Variants in HYAL4 observed in about 807,000 individuals in gnomAD.
HYAL4 encodes hyaluronidase-4.
A neutral mutation model predicts 35.2 loss-of-function variants in HYAL4; 37 were observed. That is an observed-to-expected ratio of 1.05 (90% CI 0.81 to 1.38). The LOEUF (loss-of-function observed/expected upper bound fraction) is 1.38, where lower values mean the gene tolerates loss of function less well. Among genes scored for constraint, HYAL4 ranks in the 40% most tolerant of loss-of-function variants. The pLI is 0.00. For synonymous variants in HYAL4, 198 were observed against 203.2 expected (o/e 0.97, Z 0.22); for missense variants, 572 against 572.4 (o/e 1.00, Z 0.01).
chr7:123,765,409 TTTAA>T, the HYAL4 span, among the ~76,000 whole-genome samples: 1 of 152,176 alleles, frequency 6.6e-6, no homozygotes, highest in African/African-American at 2.4e-5. Context: ...AAATGTAATC[TTTAA>T]TTAGGTAGAG....
chr7:123,789,752 G>A, the HYAL4 span, among the ~76,000 whole-genome samples: 2 of 151,988 alleles, frequency 1.3e-5, no homozygotes, highest in African/African-American at 2.4e-5. Context: ...CCAATAGGAC[G>A]TATACATGAA....
intron 3 of HYAL4, among the ~76,000 whole-genome samples, chr7:123,872,586 C>T (rs944536502): frequency 6.6e-6 from 1 of 152,210 alleles, no homozygotes; most frequent in Non-Finnish European, 1.5e-5. Context: ...GTGCAAAGCA[C>T]CCTGTGCCAC....
the HYAL4 span, among the ~76,000 whole-genome samples, chr7:123,818,403 C>T: frequency 1.3e-5 from 2 of 152,220 alleles, no homozygotes; most frequent in African/African-American, 4.8e-5. Context: ...AATTCATACT[C>T]ATTCTCAAGA....
At chr7:123,807,187 T>A in the HYAL4 span, among the ~76,000 whole-genome samples, 1,879 of 152,284 alleles carry the variant, frequency 0.012, 34 homozygotes, top group African/African-American at 0.043. Flanking sequence ...GGCTTTAAAT[T>A]TCTCATCAGA....
chr7:123,819,885 C>CT, the HYAL4 span, among the ~76,000 whole-genome samples: 5 of 142,902 alleles, frequency 3.5e-5, no homozygotes, highest in African/African-American at 5.4e-5. Flanking sequence ...ATAAATAATT[C>CT]TTTTTTTTTC....
chr7:123,817,514 T>C, the HYAL4 span, among the ~76,000 whole-genome samples: 3 of 147,664 alleles, frequency 2.0e-5, no homozygotes, highest in Admixed American at 6.7e-5. Flanking sequence ...CTTCTTCTTT[T>C]TTTTTTTTTT....
At chr7:123,810,105 G>A in the HYAL4 span, among the ~76,000 whole-genome samples, 1 of 152,218 alleles carries the variant, frequency 6.6e-6, no homozygotes, top group African/African-American at 2.4e-5. Flanking sequence ...AAGACAAGGA[G>A]TGTTTCACTT....
rs944898351 is a variant in HYAL4, at chr7:123,833,034, A to G, written c.-257+3910A>G. ...TTTGGGTTGGTTCCACATATTTGCA[A>G]TTGTGAATTGTGCTCCTCTAAACAT... is the stretch of plus-strand genomic sequence containing the variant. On this transcript the variant is annotated intron_variant, in intron 1 of 4. Transcript: ENST00000489978. Among the ~76,000 whole-genome samples the G allele has an allele frequency of 3.3e-5, 5 of 152,206 alleles. No individual in the cohort carries two copies. The South Asian group carries it at 6.2e-4, about 19-fold the overall frequency.
intron 1 of HYAL4, among the ~76,000 whole-genome samples, chr7:123,847,317 C>T (rs186790118): frequency 3.3e-5 from 5 of 152,008 alleles, no homozygotes; most frequent in African/African-American, 9.7e-5. Context: ...TTTTCTAATC[C>T]TAGGTGCTGA....
At chr7:123,870,670 G>T (rs1193344997) in intron 3 of HYAL4, among the ~76,000 whole-genome samples, 1 of 151,406 alleles carries the variant, frequency 6.6e-6, no homozygotes, top group Non-Finnish European at 1.5e-5. Flanking sequence ...TCTGAGAAGA[G>T]AATTGCTTGA....
chr7:123,836,227 C>T (rs1805961112), intron 1 of HYAL4, among the ~76,000 whole-genome samples: 1 of 152,016 alleles, frequency 6.6e-6, no homozygotes, highest in African/African-American at 2.4e-5. Flanking sequence ...TTTCTTAGGT[C>T]TAGTAGTAAT....
chr7:123,876,348 G>A (rs550187540), intron 4 of HYAL4, among the ~76,000 whole-genome samples: 39 of 152,302 alleles, frequency 2.6e-4, no homozygotes, highest in East Asian at 1.5e-3. Flanking sequence ...GTAGCTGAGG[G>A]CAGCAGTTCT....
the HYAL4 span, among the ~76,000 whole-genome samples, chr7:123,795,860 A>G: frequency 3.9e-5 from 6 of 152,350 alleles, no homozygotes; most frequent in South Asian, 1.2e-3. Context: ...GAGTCACAGT[A>G]CTGCATCATG....
Position 123,877,354 on chromosome 7 carries a change from A to T in HYAL4, c.*199A>T. 1.9e-6 allele frequency: 1 copy of T among 524,354 alleles called. No individual in the cohort carries two copies. 32.5% of individuals were successfully genotyped at this position (524,354 alleles called of 1,614,324 possible). A position where few individuals can be genotyped will look rare whatever the true frequency, so the allele number is the denominator to read the frequency against. Reference sequence around the variant, plus strand: ...AGGAAACCAGATCTGGGGTAAAGTCAATGTACACTTCCTCCTTATTGGAAT... The same window carrying T: ...AGGAAACCAGATCTGGGGTAAAGTCTATGTACACTTCCTCCTTATTGGAAT... On this transcript the variant is annotated 3_prime_UTR_variant, in exon 5 of 5. Coordinates refer to ENST00000223026, the MANE Select transcript of HYAL4 (RefSeq NM_012269.3).
the HYAL4 span, among the ~76,000 whole-genome samples, chr7:123,802,901 A>G: frequency 6.6e-6 from 1 of 152,214 alleles, no homozygotes; most frequent in African/African-American, 2.4e-5. Flanking sequence ...ATGTCTTAAA[A>G]TCTGTCATGA....
At chr7:123,781,677 A>C in the HYAL4 span, among the ~76,000 whole-genome samples, 1 of 152,166 alleles carries the variant, frequency 6.6e-6, no homozygotes, top group Non-Finnish European at 1.5e-5. Context: ...CCAGACTTCA[A>C]AGATTTAATA....
Position 123,874,794 on chromosome 7 carries a change from G to A in HYAL4, c.988G>A (p.Ala330Thr), listed in dbSNP as rs1465350342. 1 of 1,610,456 alleles carries A rather than the reference G, an allele frequency of 6.2e-7. No homozygotes were observed. The highest frequency in any genetic ancestry group is 1.7e-5 in the Admixed American group (1 of 60,024). The stretch of plus-strand genomic sequence containing the variant: ...AGTCAGCACCATAGGAGAAAGTGCT[G>A]CCTTGGGAGCTGCAGGCATTGTTAT... ...DLVSTIGESA[A>T]LGAAGIVIWG... Residue 330 changes from alanine (A) to threonine (T), a missense_variant, in exon 4 of 5, where the codon GCC (alanine) becomes ACC (threonine). Physicochemically the swap from Ala to Thr is moderately conservative, Grantham distance 58. Coordinates refer to ENST00000223026, the MANE Select transcript of HYAL4 (RefSeq NM_012269.3).
intron 1 of HYAL4, among the ~76,000 whole-genome samples, chr7:123,838,476 C>T (rs1006661111): frequency 2.6e-5 from 4 of 151,908 alleles, no homozygotes; most frequent in East Asian, 3.9e-4. Context: ...TACCATTATA[C>T]TGCCCATTTT....
At chr7:123,823,966 C>G in the HYAL4 span, among the ~76,000 whole-genome samples, 9 of 152,008 alleles carry the variant, frequency 5.9e-5, no homozygotes, top group Non-Finnish European at 1.3e-4. Context: ...AACAAACAGT[C>G]TCAGTTTCAG....
Sources: allele counts gnomAD v4.1 joint callset (sites outside exome capture counted in the v4.1 genomes callset), GRCh38; gene constraint gnomAD v4.1.1; transcripts MANE v1.5; gene names NCBI Gene and HGNC (gene_info 2026-07-23, HGNC 2026-07-21).